The following MINDY4B variants were observed in gnomAD, a reference collection of about 807,000 sequenced individuals.
MINDY4B encodes the protein inactive ubiquitin carboxyl-terminal hydrolase MINDY-4B.
Under a neutral mutation model 16.7 loss-of-function variants are expected in MINDY4B, and 25 were observed. The observed-to-expected ratio is 1.49, with a 90% CI of 1.09 to 2.09. The LOEUF is 2.09. Among genes scored for constraint, MINDY4B ranks in the 30% most tolerant of loss-of-function variants. The probability of loss-of-function intolerance (pLI) is 0.00; values close to 1 mark genes in which losing one functional copy is unlikely to be tolerated. For synonymous variants in MINDY4B, 132 were observed against 61.9 expected, an observed-to-expected ratio of 2.13 and a Z score of -5.32; for missense variants, 327 against 168.4, an observed-to-expected ratio of 1.94 and a Z score of -5.21.
chr3:150,900,968 G>T (rs1025384784), intron 3 of MINDY4B, among the ~76,000 whole-genome samples: 8 of 152,182 alleles, frequency 5.3e-5, no homozygotes, highest in Non-Finnish European at 4.4e-5. Flanking sequence ...AAGGTATGTG[G>T]TGAAGACTCC....
chr3:150,881,261 G>C (rs1266871786), intron 10 of MINDY4B, among the ~76,000 whole-genome samples: 1 of 152,154 alleles, frequency 6.6e-6, no homozygotes, highest in Non-Finnish European at 1.5e-5. Flanking sequence ...GTGTACATCT[G>C]TAATCCCAGC....
At chr3:150,871,705 C>T (rs1446246691) in intron 11 of MINDY4B, among the ~76,000 whole-genome samples, 1 of 152,114 alleles carries the variant, frequency 6.6e-6, no homozygotes, top group East Asian at 1.9e-4. Context: ...AGAAAATTAG[C>T]TGTGTGTGGT....
intron 8 of MINDY4B, among the ~76,000 whole-genome samples, chr3:150,884,654 G>A (rs147061950): frequency 3.0e-4 from 46 of 152,084 alleles, no homozygotes; most frequent in African/African-American, 8.9e-4. Flanking sequence ...ATGTGATGGC[G>A]GTATATAAAA....
At chr3:150,885,715 G>A (rs1224187353) in intron 7 of MINDY4B, among the ~76,000 whole-genome samples, 4 of 152,156 alleles carry the variant, frequency 2.6e-5, no homozygotes, top group Non-Finnish European at 4.4e-5. Flanking sequence ...TGGCCAAGGT[G>A]TAGTATGTCC....
chr3:150,883,665 A>G lies in MINDY4B; in HGVS notation c.897+35T>C. ...TGCATGTGGCATTCAACTAATTCAG[A>G]TTCTACAATAGAAAGGCAGAGTCTT... On this transcript the variant is annotated intron_variant, in intron 9 of 11. Coordinates refer to ENST00000465419, the MANE Select transcript of MINDY4B (RefSeq NM_001351281.2). The G allele has an allele frequency of 5.7e-6, 4 of 699,936 alleles. No individual in the cohort carries two copies. The South Asian group carries it at 5.9e-5, about 10-fold the overall frequency. 43.4% of individuals were successfully genotyped at this position (699,936 alleles called of 1,614,324 possible). A position where few individuals can be genotyped will look rare whatever the true frequency, so the allele number is the denominator to read the frequency against.
intron 2 of MINDY4B, 89 bp downstream of exon 2, chr3:150,904,973 G>A (rs2107913865): frequency 5.0e-6 from 2 of 398,212 alleles, no homozygotes; most frequent in Middle Eastern, 1.3e-3. Flanking sequence ...GACATTATGT[G>A]CAAAGAATAA....
chr3:150,880,168 C>G (rs754105727), intron 10 of MINDY4B, among the ~76,000 whole-genome samples: 16 of 152,232 alleles, frequency 1.1e-4, no homozygotes, highest in Non-Finnish European at 1.9e-4. Flanking sequence ...GAAACAGGCT[C>G]AGAGAGGGTA....
chr3:150,891,029 C>T lies in MINDY4B; in HGVS notation c.596G>A (p.Gly199Glu). 1.4e-6 allele frequency: 1 copy of T among 702,850 alleles called. No homozygotes were observed. The highest frequency in any genetic ancestry group is 2.6e-6 in the Non-Finnish European group (1 of 384,836). The allele number at this position is 702,850 out of a possible 1,614,324, so 43.5% of individuals were successfully genotyped here. ...AALAGILWAA[G>E]AAQKATICLV... is the part of the protein sequence containing the mutation. ...ACAGATGGTGGCCTTCTGAGCTGCTCCTGCAGCCCACAGGATGCCAGCAAG... is the reference window on the plus strand; with the variant it reads ...ACAGATGGTGGCCTTCTGAGCTGCTTCTGCAGCCCACAGGATGCCAGCAAG... The change falls in exon 6 of 12, where the codon GGA becomes GAA. Residue 199 changes from glycine (G) to glutamate (E), a missense_variant. Transcript: ENST00000465419.
chr3:150,899,735 C>T (rs1201786054), intron 3 of MINDY4B, among the ~76,000 whole-genome samples: 1 of 152,136 alleles, frequency 6.6e-6, no homozygotes, highest in African/African-American at 2.4e-5. Context: ...TCTGGAGGGG[C>T]ACACAAAGGA....
chr3:150,899,306 A>G (rs1365314857), intron 3 of MINDY4B, among the ~76,000 whole-genome samples: 1 of 152,232 alleles, frequency 6.6e-6, no homozygotes, highest in Non-Finnish European at 1.5e-5. Flanking sequence ...GCGTCCCAGC[A>G]GGAAACAGAT....
At chr3:150,887,267 C>G (rs1202710364) in intron 7 of MINDY4B, among the ~76,000 whole-genome samples, 1 of 152,084 alleles carries the variant, frequency 6.6e-6, no homozygotes, top group Non-Finnish European at 1.5e-5. Flanking sequence ...TATTCACATC[C>G]CTGGTGGGAT....
In MINDY4B at chr3:150,870,959, T is replaced by C. The variant is rs1055217994; in HGVS notation, c.*86A>G. The C allele has an allele frequency of 6.5e-6, 4 of 618,980 alleles. No individual in the cohort carries two copies. Among genetic ancestry groups the C allele is most frequent in the African/African-American group, 5.5e-5 (3 of 54,158 alleles). 38.3% of individuals were successfully genotyped at this position (618,980 alleles called of 1,614,324 possible). ...TGGTGGGGCTTGTGAATGAGAAATA[T>C]GGAAACGATTGGTCTCCCCCACATT... On this transcript the variant is annotated 3_prime_UTR_variant, in exon 12 of 12. Transcript: ENST00000465419.
chr3:150,879,088 G>T (rs1369385893), intron 10 of MINDY4B, among the ~76,000 whole-genome samples: 1 of 152,116 alleles, frequency 6.6e-6, no homozygotes, highest in Non-Finnish European at 1.5e-5. Flanking sequence ...TGTTTCCAAA[G>T]CCTTGCAACT....
At chr3:150,899,272 A>G (rs1712052468) in intron 3 of MINDY4B, among the ~76,000 whole-genome samples, 1 of 152,228 alleles carries the variant, frequency 6.6e-6, no homozygotes. Context: ...ACCCAAATGC[A>G]AGCCTTTCAA....
At chr3:150,886,947 A>G (rs1028084899) in intron 7 of MINDY4B, among the ~76,000 whole-genome samples, 1 of 152,234 alleles carries the variant, frequency 6.6e-6, no homozygotes, top group African/African-American at 2.4e-5. Flanking sequence ...TCCATTATCC[A>G]GTGGATGCCT....
intron 7 of MINDY4B, among the ~76,000 whole-genome samples, chr3:150,887,905 G>A (rs548788247): frequency 2.7e-3 from 407 of 152,212 alleles, no homozygotes; most frequent in African/African-American, 9.2e-3. Context: ...TCAGGAGATC[G>A]AGACCATCCT....
intron 3 of MINDY4B, among the ~76,000 whole-genome samples, chr3:150,901,893 G>A (rs1438815133): frequency 6.6e-6 from 1 of 152,044 alleles, no homozygotes; most frequent in African/African-American, 2.4e-5. Flanking sequence ...CAAGTGTGAT[G>A]GTGGAGAAAG....
intron 9 of MINDY4B, 141 bp downstream of exon 9, chr3:150,883,559 T>C (rs1026895775): frequency 3.3e-6 from 2 of 613,738 alleles, no homozygotes; most frequent in East Asian, 2.7e-5. Flanking sequence ...ACCGGATTGC[T>C]CTTTACTTAA....
intron 3 of MINDY4B, among the ~76,000 whole-genome samples, chr3:150,897,554 G>C (rs1428439985): frequency 6.6e-6 from 1 of 152,178 alleles, no homozygotes; most frequent in Non-Finnish European, 1.5e-5. Context: ...AGCAGGCCCT[G>C]AGAGTAGGCT....
Sources: gnomAD v4.1 joint callset for allele counts (sites outside exome capture counted in the v4.1 genomes callset) on GRCh38, gnomAD v4.1.1 for gene constraint, MANE v1.5 for transcripts, NCBI Gene and HGNC (gene_info 2026-07-23, HGNC 2026-07-21) for gene names.